Variants in NKAIN2 observed in about 807,000 individuals in gnomAD.
The protein encoded by NKAIN2 is sodium/potassium-transporting ATPase subunit beta-1-interacting protein 2.
Under a neutral mutation model 32.6 loss-of-function variants are expected in NKAIN2, and 14 were observed. The ratio of observed to expected loss-of-function variants is 0.43; its 90% CI spans 0.28 to 0.67. The LOEUF is 0.67. Among genes scored for constraint, NKAIN2 ranks in the 30% least tolerant of loss-of-function variants. NKAIN2 has a pLI of 0.17. For synonymous variants in NKAIN2, 80 were observed against 87.2 expected (o/e 0.92, Z 0.46); for missense variants, 198 against 258.3 (o/e 0.77, Z 1.60).
intron 1 of NKAIN2, among the ~76,000 whole-genome samples, chr6:123,987,545 A>G (rs1273608720): frequency 2.6e-5 from 4 of 152,066 alleles, no homozygotes; most frequent in African/African-American, 9.7e-5. Flanking sequence ...AAATCAAGGC[A>G]TTTGCTGAGC....
In NKAIN2 at chr6:123,911,801, G is replaced by GTATATATATATATGTATATA. The variant is rs200270867; in HGVS notation, c.54+107559_54+107560insTGTATATATATATATATATA. Among the ~76,000 whole-genome samples, 4 of 58,400 alleles carry GTATATATATATATGTATATA rather than the reference G, an allele frequency of 6.8e-5. 1 individual carries two copies. Among genetic ancestry groups the GTATATATATATATGTATATA allele is most frequent in the Admixed American group, 2.1e-4 (1 of 4,740 alleles). 38.3% of individuals were successfully genotyped at this position (58,400 alleles called of 152,430 possible). ...TACATACATATATATATATATATAT[G>GTATATATATATATGTATATA]TATATATATATACACACACACACAC... On this transcript the variant is annotated intron_variant, in intron 1 of 6. Transcript: ENST00000368417.
Position 123,804,251 on chromosome 6 carries a change from A to T in NKAIN2, c.51A>T (p.Gln17His), listed in dbSNP as rs762293686. ...RCTLIFICGM[Q>H]LVCVLERQIF... The stretch of plus-strand genomic sequence containing the variant: ...CGCTTATCTTTATCTGTGGCATGCA[A>T]CTGGTAAGTGACACTTGGGTCCCCT... Residue 17 changes from glutamine (Q) to histidine (H), a missense_variant, in exon 1 of 7, where the codon CAA (glutamine) becomes CAT (histidine). Coordinates refer to ENST00000368417, the MANE Select transcript of NKAIN2 (RefSeq NM_001040214.3). 1.2e-6 allele frequency: 2 copies of T among 1,613,346 alleles called. No individual in the cohort carries two copies. Among genetic ancestry groups the T allele is most frequent in the Admixed American group, 1.7e-5 (1 of 60,020 alleles).
chr6:124,563,454 T>G (rs2114899234), intron 3 of NKAIN2, among the ~76,000 whole-genome samples: 1 of 152,342 alleles, frequency 6.6e-6, no homozygotes, highest in South Asian at 2.1e-4. Flanking sequence ...TTACCTTTGC[T>G]TCTTTGCGCC....
intron 2 of NKAIN2, among the ~76,000 whole-genome samples, chr6:124,318,699 G>T (rs942819515): frequency 6.6e-6 from 1 of 152,036 alleles, no homozygotes; most frequent in South Asian, 2.1e-4. Flanking sequence ...TGATGAGGAA[G>T]TTATGCTGAC....
chr6:124,072,512 A>G (rs1783508938), intron 1 of NKAIN2, among the ~76,000 whole-genome samples: 2 of 152,110 alleles, frequency 1.3e-5, no homozygotes, highest in Non-Finnish European at 2.9e-5. Context: ...AAAGAAAAGA[A>G]ATTTCATTTT....
intron 1 of NKAIN2, among the ~76,000 whole-genome samples, chr6:123,856,150 C>A (rs1775547244): frequency 6.6e-6 from 1 of 152,044 alleles, no homozygotes; most frequent in Non-Finnish European, 1.5e-5. Flanking sequence ...TTAGACCTTG[C>A]AATAAAACCC....
intron 3 of NKAIN2, among the ~76,000 whole-genome samples, chr6:124,475,883 T>C (rs891217563): frequency 3.3e-5 from 5 of 152,134 alleles, no homozygotes; most frequent in African/African-American, 9.7e-5. Flanking sequence ...AAATAAATCT[T>C]TGAAAAACTT....
At chr6:124,565,730 G>A (rs1052907278) in intron 3 of NKAIN2, among the ~76,000 whole-genome samples, 2 of 152,160 alleles carry the variant, frequency 1.3e-5, no homozygotes, top group African/African-American at 4.8e-5. Flanking sequence ...AATCTGAGGT[G>A]AGTGAGACAG....
chr6:124,073,369 T>C (rs1783545801), intron 1 of NKAIN2, among the ~76,000 whole-genome samples: 1 of 152,242 alleles, frequency 6.6e-6, no homozygotes, highest in Admixed American at 6.5e-5. Context: ...TGCTAAAGTA[T>C]ATTTAAAGTG....
intron 1 of NKAIN2, among the ~76,000 whole-genome samples, chr6:124,218,223 A>G (rs866228832): frequency 4.6e-5 from 7 of 152,198 alleles, no homozygotes; most frequent in African/African-American, 1.7e-4. Context: ...TTTAAATATA[A>G]TTAGGGCTTA....
intron 1 of NKAIN2, among the ~76,000 whole-genome samples, chr6:124,246,667 C>T (rs1446394086): frequency 6.6e-6 from 1 of 152,042 alleles, no homozygotes; most frequent in Admixed American, 6.6e-5. Context: ...TACAGCCTAA[C>T]ACCACAACCT....
At chr6:124,444,944 A>G (rs1338119874) in intron 3 of NKAIN2, among the ~76,000 whole-genome samples, 1 of 152,032 alleles carries the variant, frequency 6.6e-6, no homozygotes, top group Non-Finnish European at 1.5e-5. Context: ...AAGCAAAAAA[A>G]TGGAAAATCT....
chr6:124,391,217 G>C (rs946433332), intron 3 of NKAIN2, among the ~76,000 whole-genome samples: 1 of 152,130 alleles, frequency 6.6e-6, no homozygotes, highest in Non-Finnish European at 1.5e-5. Flanking sequence ...CTCCAAGTCA[G>C]TACAAGTCTA....
chr6:124,244,425 AT>A (rs1343868359), intron 1 of NKAIN2, among the ~76,000 whole-genome samples: 3 of 151,716 alleles, frequency 2.0e-5, no homozygotes, highest in African/African-American at 7.3e-5. Flanking sequence ...TGAACTCATC[AT>A]TTTTTATGGC....
intron 1 of NKAIN2, among the ~76,000 whole-genome samples, chr6:124,010,494 T>C (rs1200811828): frequency 6.6e-6 from 1 of 150,556 alleles, no homozygotes; most frequent in Non-Finnish European, 1.5e-5. Context: ...GGACAAATCA[T>C]TGAGAAAGTT....
chr6:124,351,442 C>G (rs1249473361), intron 2 of NKAIN2, among the ~76,000 whole-genome samples: 2 of 149,120 alleles, frequency 1.3e-5, no homozygotes, highest in Non-Finnish European at 3.0e-5. Flanking sequence ...GCAGTTGAGG[C>G]TGCAGTGATC....
chr6:124,088,326 C>G (rs1232817774), intron 1 of NKAIN2, among the ~76,000 whole-genome samples: 1 of 151,816 alleles, frequency 6.6e-6, no homozygotes, highest in African/African-American at 2.4e-5. Context: ...GAGGCTGAGA[C>G]AAAAGGATAA....
intron 3 of NKAIN2, among the ~76,000 whole-genome samples, chr6:124,483,471 A>G (rs1777536550): frequency 1.3e-5 from 2 of 152,326 alleles, no homozygotes; most frequent in East Asian, 1.9e-4. Flanking sequence ...TAAGACTTAT[A>G]TCACAATTTT....
chr6:124,708,915 C>T lies in NKAIN2; in HGVS notation c.474+50529C>T, dbSNP rs1775269158. On this transcript the variant is annotated intron_variant, in intron 4 of 6. Coordinates refer to ENST00000368417, the MANE Select transcript of NKAIN2 (RefSeq NM_001040214.3). ...TGAGAGAGGGCATCCCTGTCTTGTG[C>T]CAGTTTTCAAAGGGAATGCTTCCAG... Among the ~76,000 whole-genome samples, 2 of 147,242 alleles carry T rather than the reference C, an allele frequency of 1.4e-5. 1 individual carries two copies. Among genetic ancestry groups the T allele is most frequent in the African/African-American group, 5.1e-5 (2 of 38,850 alleles).
Sources: gnomAD v4.1 joint callset for allele counts (sites outside exome capture counted in the v4.1 genomes callset) on GRCh38, gnomAD v4.1.1 for gene constraint, MANE v1.5 for transcripts, NCBI Gene and HGNC (gene_info 2026-07-23, HGNC 2026-07-21) for gene names.